Variants in ITPK1 observed in about 807,000 individuals in gnomAD.
The protein encoded by ITPK1 is inositol-tetrakisphosphate 1-kinase.
ITPK1 carries 21 observed loss-of-function variants against 45.3 expected under a neutral mutation model. The ratio of observed to expected loss-of-function variants is 0.46; its 90% CI spans 0.33 to 0.67. ITPK1 has a LOEUF of 0.67. Among genes scored for constraint, ITPK1 ranks in the 30% least tolerant of loss-of-function variants. The pLI is 0.02. For missense variants in ITPK1, 474 were observed against 573.5 expected, an observed-to-expected ratio of 0.83 and a Z score of 1.77; for synonymous variants, 258 against 253.6, an observed-to-expected ratio of 1.02 and a Z score of -0.16.
At chr14:93,114,996 CA>C (rs1892880729) in intron 2 of ITPK1, 72 bp downstream of exon 2, 19 of 773,578 alleles carry the variant, frequency 2.5e-5, no homozygotes, top group Middle Eastern at 5.0e-4. Flanking sequence ...AATGAGGCTG[CA>C]CCGGGCTCGG....
rs1317031587 is a variant in ITPK1, at chr14:93,038,472, T to C, written c.121-21671A>G. ...TAACACAGGAAAAATGATTAAATTA[T>C]ATCCATATACTCTCTTTTGGAAGGG... On this transcript the variant is annotated intron_variant, in intron 3 of 10. Transcript: ENST00000267615. 3.3e-5 allele frequency among the ~76,000 whole-genome samples: 5 copies of C among 152,264 alleles called. No individual in the cohort carries two copies. The East Asian group carries it at 7.7e-4, about 23-fold the overall frequency.
intron 9 of ITPK1, among the ~76,000 whole-genome samples, chr14:92,950,031 G>A (rs1051079113): frequency 2.0e-5 from 3 of 152,252 alleles, no homozygotes; most frequent in African/African-American, 7.2e-5. Flanking sequence ...TCCTTCTGGG[G>A]CAGGAAGAAG....
chr14:93,027,782 C>T (rs1888814689), intron 3 of ITPK1, among the ~76,000 whole-genome samples: 1 of 152,174 alleles, frequency 6.6e-6, no homozygotes, highest in Non-Finnish European at 1.5e-5. Flanking sequence ...CCAAATGGCA[C>T]ACGTGACAAC....
chr14:93,056,521 C>G (rs1890221146), intron 3 of ITPK1, among the ~76,000 whole-genome samples: 1 of 152,184 alleles, frequency 6.6e-6, no homozygotes, highest in Admixed American at 6.5e-5. Context: ...ATTAGGAGAC[C>G]TCAGCAGTGC....
intron 4 of ITPK1, among the ~76,000 whole-genome samples, chr14:93,010,129 C>T (rs1173906151): frequency 6.6e-6 from 1 of 152,198 alleles, no homozygotes; most frequent in Non-Finnish European, 1.5e-5. Context: ...AACCCCTTCC[C>T]GGGGCCCATG....
In ITPK1 at chr14:92,958,927, T is replaced by A. The variant is rs1884900175; in HGVS notation, c.505-561A>T. ...ACATCTGAGGTGAGCATACAACCTT[T>A]CACAGATGAGGACGATGAGGCGCTG... On this transcript the variant is annotated intron_variant, in intron 7 of 10. Transcript: ENST00000267615. This position sits in a 1 kb window ranked among gnomAD's most constrained non-coding sequence, Gnocchi z 4.4. 6.6e-6 allele frequency among the ~76,000 whole-genome samples: 1 copy of A among 152,152 alleles called. No homozygotes were observed. The highest frequency in any genetic ancestry group is 2.4e-5 in the African/African-American group (1 of 41,420).
rs373528991 is a variant in ITPK1, at chr14:93,041,231, G to A, written c.121-24430C>T. ...GGCAAGGGCCAGGCTTCCACTGCCC[G>A]GCCAGGATCTGAACCTCCCTCCAGG... On this transcript the variant is annotated intron_variant, in intron 3 of 10. Coordinates refer to ENST00000267615, the MANE Select transcript of ITPK1 (RefSeq NM_014216.6). Among the ~76,000 whole-genome samples the A allele has an allele frequency of 2.0e-4, 30 of 152,256 alleles. No individual in the cohort carries two copies. The East Asian group carries it at 2.3e-3, about 12-fold the overall frequency.
At chr14:93,052,318 C>T (rs2139932323) in intron 3 of ITPK1, among the ~76,000 whole-genome samples, 1 of 152,268 alleles carries the variant, frequency 6.6e-6, no homozygotes, top group South Asian at 2.1e-4. Context: ...GATTTTATTG[C>T]TGGGCTCCTA....
At chr14:92,962,632 T>C (rs1421411200) in intron 6 of ITPK1, 119 bp downstream of exon 6, 40 of 844,842 alleles carry the variant, frequency 4.7e-5, no homozygotes, top group East Asian at 2.5e-5. Context: ...CCCAGGGCCA[T>C]GTGCTCATCC....
intron 3 of ITPK1, among the ~76,000 whole-genome samples, chr14:93,057,755 C>T (rs566329706): frequency 3.5e-4 from 53 of 152,314 alleles, no homozygotes; most frequent in African/African-American, 1.3e-3. Flanking sequence ...CACAGGCAGC[C>T]GTGGCTTCAT....
chr14:93,106,085 C>G (rs556260179), intron 2 of ITPK1, among the ~76,000 whole-genome samples: 2 of 152,290 alleles, frequency 1.3e-5, no homozygotes, highest in East Asian at 1.9e-4. Context: ...GCACACAGGT[C>G]AGGCGCGGCT....
chr14:93,033,774 G>T (rs377453893), intron 3 of ITPK1, among the ~76,000 whole-genome samples: 2 of 152,202 alleles, frequency 1.3e-5, no homozygotes, highest in Admixed American at 1.3e-4. Context: ...GGAAGAGAAC[G>T]GAGTGTGTGA....
In ITPK1 at chr14:92,958,141, C is replaced by T; in HGVS notation, c.670+60G>A. 1.9e-6 allele frequency: 3 copies of T among 1,546,812 alleles called. No individual in the cohort carries two copies. The highest frequency in any genetic ancestry group is 2.7e-6 in the Non-Finnish European group (3 of 1,119,824). ...AGTGCCGAAGGACAGACAGCTGCTGCCACATCCCAGCTGGGCCCCTGAGTC... is the reference window on the plus strand; with the variant it reads ...AGTGCCGAAGGACAGACAGCTGCTGTCACATCCCAGCTGGGCCCCTGAGTC... On this transcript the variant is annotated intron_variant, in intron 8 of 10. Coordinates refer to ENST00000267615, the MANE Select transcript of ITPK1 (RefSeq NM_014216.6). This position sits in a 1 kb window ranked among gnomAD's most constrained non-coding sequence, Gnocchi z 4.4.
At chr14:93,091,863 G>A (rs1891878437) in intron 2 of ITPK1, among the ~76,000 whole-genome samples, 2 of 152,224 alleles carry the variant, frequency 1.3e-5, no homozygotes, top group Non-Finnish European at 2.9e-5. Context: ...CTTGCTGGGC[G>A]TGAGGGATGA....
intron 3 of ITPK1, among the ~76,000 whole-genome samples, chr14:93,025,316 T>C (rs1223203860): frequency 6.6e-6 from 1 of 152,254 alleles, no homozygotes; most frequent in Non-Finnish European, 1.5e-5. Flanking sequence ...GCCGCCCACG[T>C]TGCTGTCTTT....
chr14:93,114,346 G>A (rs1339036815), intron 2 of ITPK1, among the ~76,000 whole-genome samples: 1 of 152,208 alleles, frequency 6.6e-6, no homozygotes, highest in African/African-American at 2.4e-5. Flanking sequence ...CAGCCCAGAT[G>A]GCAGAAGGCC....
chr14:93,089,585 C>A (rs577959817), intron 2 of ITPK1, among the ~76,000 whole-genome samples: 12 of 152,304 alleles, frequency 7.9e-5, no homozygotes, highest in Middle Eastern at 3.4e-3. Flanking sequence ...CCTACCCCAC[C>A]TCTAAAGGGT....
chr14:93,056,676 A>T (rs1008857024), intron 3 of ITPK1, among the ~76,000 whole-genome samples: 2 of 152,172 alleles, frequency 1.3e-5, no homozygotes, highest in Admixed American at 6.5e-5. Flanking sequence ...AGAACCTTCT[A>T]TACCACCTCA....
At position 93,102,347 on chromosome 14, in the gene ITPK1, T is replaced by C. The variant is rs548207113; in HGVS notation, c.95+12722A>G. 4.6e-5 allele frequency among the ~76,000 whole-genome samples: 7 copies of C among 152,300 alleles called. No individual in the cohort carries two copies. The South Asian group carries it at 1.5e-3, about 32-fold the overall frequency. ...CTGACTGTGCAGGAAGCAAAACCTT[T>C]CTCCAACACGATCCCAATGCCGCGG... On this transcript the variant is annotated intron_variant, in intron 2 of 10. Coordinates refer to ENST00000267615, the MANE Select transcript of ITPK1 (RefSeq NM_014216.6).
Sources: allele counts gnomAD v4.1 joint callset (sites outside exome capture counted in the v4.1 genomes callset), GRCh38; gene constraint gnomAD v4.1.1; non-coding constraint Gnocchi (gnomAD v3.1); transcripts MANE v1.5; gene names NCBI Gene and HGNC (gene_info 2026-07-23, HGNC 2026-07-21).